Variants in ALDH5A1 observed in about 807,000 individuals in gnomAD.
The protein encoded by ALDH5A1 is aldehyde dehydrogenase 5 family member A1.
ALDH5A1 carries 33 observed loss-of-function variants against 54.7 expected under a neutral mutation model. That is an observed-to-expected ratio of 0.60 (90% confidence interval 0.46 to 0.81). The LOEUF is 0.81. Among genes scored for constraint, ALDH5A1 ranks in the 30% least tolerant of loss-of-function variants. The pLI is 0.00. For synonymous variants in ALDH5A1, 294 were observed against 292.7 expected (o/e 1.00, Z -0.05); for missense variants, 657 against 711.0 (o/e 0.92, Z 0.86).
intron 1 of ALDH5A1, among the ~76,000 whole-genome samples, chr6:24,498,383 G>A (rs1455067164): frequency 2.0e-5 from 3 of 152,190 alleles, no homozygotes; most frequent in Non-Finnish European, 1.5e-5. Context: ...ACCAGGGCCT[G>A]AGCCCTGGTT....
chr6:24,529,462 C>T (rs1759886192), intron 8 of ALDH5A1, among the ~76,000 whole-genome samples: 2 of 152,216 alleles, frequency 1.3e-5, no homozygotes, highest in Non-Finnish European at 1.5e-5. Context: ...TCACCACGCC[C>T]GGCCTCTTTA....
chr6:24,503,594 C>T (rs150116661), intron 3 of ALDH5A1, among the ~76,000 whole-genome samples, 161 bp downstream of exon 3: 46 of 152,210 alleles, frequency 3.0e-4, no homozygotes, highest in Non-Finnish European at 4.0e-4. Context: ...GTTTCCTAGT[C>T]CTCTGTGATG....
In ALDH5A1 at chr6:24,495,202, G is replaced by A; in HGVS notation, c.206G>A (p.Trp69Ter). Residue 69 changes from tryptophan to a stop codon, truncating the protein, a stop_gained, in exon 1 of 10, where the codon TGG becomes TAG. Coordinates refer to ENST00000357578, the MANE Select transcript of ALDH5A1 (RefSeq NM_001080.3). LOFTEE classifies it high-confidence loss of function. ...ACCGACAGCTTCGTGGGCGGCCGCT[G>A]GCTCCCGGCCGCCGCCACCTTCCCC... is the stretch of plus-strand genomic sequence containing the variant. ...LRTDSFVGGR[W>*]LPAAATFPVQ... The A allele has an allele frequency of 6.6e-7, 1 of 1,506,722 alleles. No homozygotes were observed. The highest frequency in any genetic ancestry group is 8.8e-7 in the Non-Finnish European group (1 of 1,135,584). 93.3% of individuals were successfully genotyped at this position (1,506,722 alleles called of 1,614,324 possible). A position where few individuals can be genotyped will look rare whatever the true frequency, so the allele number is the denominator to read the frequency against.
chr6:24,520,278 G>T lies in ALDH5A1; in HGVS notation c.871-123G>T, dbSNP rs985072754. 2.8e-6 allele frequency: 3 copies of T among 1,081,202 alleles called. No individual in the cohort carries two copies. The African/African-American group carries it at 4.6e-5, about 17-fold the overall frequency. The allele number at this position is 1,081,202 out of a possible 1,614,324, so 67.0% of individuals were successfully genotyped here. ...TTATTTCTCCGTTTTCTTATGCAAA[G>T]TTATCCCATGTACACCACTGTGCAC... On this transcript the variant is annotated intron_variant, in intron 5 of 9. Transcript: ENST00000357578.
At chr6:24,526,974 GTA>G (rs58873176) in intron 7 of ALDH5A1, among the ~76,000 whole-genome samples, 9,319 of 29,810 alleles carry the variant, frequency 0.31, 579 homozygotes, top group East Asian at 0.47. Flanking sequence ...ATGTGTGTGT[GTA>G]TATATATATA....
intron 1 of ALDH5A1, 51 bp from the exon 2 acceptor site, chr6:24,502,471 TG>T: frequency 7.6e-7 from 1 of 1,309,772 alleles, no homozygotes; most frequent in Non-Finnish European, 1.1e-6. Flanking sequence ...TTTAGCATTC[TG>T]TCTTACACTT....
At chr6:24,525,564 C>T (rs1446723242) in intron 7 of ALDH5A1, among the ~76,000 whole-genome samples, 1 of 151,736 alleles carries the variant, frequency 6.6e-6, no homozygotes, top group Non-Finnish European at 1.5e-5. Flanking sequence ...AAAAATTAGC[C>T]AGGTGTGGTG....
intron 7 of ALDH5A1, among the ~76,000 whole-genome samples, chr6:24,527,130 G>A (rs532429729): frequency 5.3e-5 from 8 of 151,266 alleles, no homozygotes; most frequent in Non-Finnish European, 8.8e-5. Context: ...CAGCAACACC[G>A]GAAGTGGAGA....
intron 7 of ALDH5A1, among the ~76,000 whole-genome samples, chr6:24,526,209 G>C (rs1424954670): frequency 6.6e-6 from 1 of 152,124 alleles, no homozygotes; most frequent in Non-Finnish European, 1.5e-5. Flanking sequence ...GAGCTGACCA[G>C]GTTAGTTTCG....
At chr6:24,496,419 C>T (rs1206322771) in intron 1 of ALDH5A1, among the ~76,000 whole-genome samples, 5 of 152,216 alleles carry the variant, frequency 3.3e-5, no homozygotes, top group Admixed American at 1.3e-4. Flanking sequence ...CAAGATGCAG[C>T]ATCAACAGTG....
chr6:24,511,489 AG>A (rs1217419805), intron 4 of ALDH5A1, among the ~76,000 whole-genome samples: 1 of 152,138 alleles, frequency 6.6e-6, no homozygotes, highest in Non-Finnish European at 1.5e-5. Flanking sequence ...ACATAATCCC[AG>A]ACTTCTTGGA....
At chr6:24,501,023 T>C (rs1476706398) in intron 1 of ALDH5A1, among the ~76,000 whole-genome samples, 1 of 152,252 alleles carries the variant, frequency 6.6e-6, no homozygotes, top group Non-Finnish European at 1.5e-5. Flanking sequence ...GATGCTGTGA[T>C]ACCTTAAGCA....
At chr6:24,503,972 C>T (rs955232824) in intron 3 of ALDH5A1, among the ~76,000 whole-genome samples, 1 of 152,170 alleles carries the variant, frequency 6.6e-6, no homozygotes, top group Non-Finnish European at 1.5e-5. Flanking sequence ...GCCCAGCTTT[C>T]CTTCTGGGTC....
rs370942126 is a variant in ALDH5A1, at chr6:24,528,159, G to C, written c.1336G>C (p.Val446Leu). ...AGAGACTTTCGGGCCTCTGGCACCAGTTATCAAGTAAGATCCTCCAGCCAG... is the reference window on the plus strand; with the variant it reads ...AGAGACTTTCGGGCCTCTGGCACCACTTATCAAGTAAGATCCTCCAGCCAG... ...HEETFGPLAP[V>L]IKFDTEEEAI... The change falls in exon 8 of 10, where the codon GTT becomes CTT. Residue 446 changes from valine to leucine, a missense_variant. By Grantham distance (32) the Val-to-Leu change is conservative. Transcript: ENST00000357578. The C allele has an allele frequency of 4.3e-6, 7 of 1,613,732 alleles. No individual in the cohort carries two copies. Among genetic ancestry groups the C allele is most frequent in the African/African-American group, 4.0e-5 (3 of 74,916 alleles).
intron 4 of ALDH5A1, chr6:24,511,882 A>AT: frequency 6.7e-6 from 4 of 596,310 alleles, no homozygotes; most frequent in South Asian, 4.6e-5. Flanking sequence ...AGCTCATGTG[A>AT]TTTTTGGGGG....
chr6:24,520,798 C>T (rs1412171563), intron 6 of ALDH5A1, among the ~76,000 whole-genome samples: 1 of 152,176 alleles, frequency 6.6e-6, no homozygotes, highest in Non-Finnish European at 1.5e-5. Flanking sequence ...CAGGGTTATA[C>T]TAGGCTCAGA....
Position 24,535,697 on chromosome 6 carries a change from C to A in ALDH5A1, c.*1985C>A, listed in dbSNP as rs1182744644. 1 of 152,276 alleles carries A rather than the reference C, an allele frequency of 6.6e-6. No individual in the cohort carries two copies. Among genetic ancestry groups the A allele is most frequent in the East Asian group, 1.9e-4 (1 of 5,194 alleles). The allele number at this position is 152,276 out of a possible 1,614,324, so 9.4% of individuals were successfully genotyped here. On this transcript the variant is annotated 3_prime_UTR_variant, in exon 10 of 10. Coordinates refer to ENST00000357578, the MANE Select transcript of ALDH5A1 (RefSeq NM_001080.3). ...GGATGTGGTGGCAGGTGCCTGTAGTCCCAGCTACTCTGGAGGCTGAGGCAG... is the reference window on the plus strand; with the variant it reads ...GGATGTGGTGGCAGGTGCCTGTAGTACCAGCTACTCTGGAGGCTGAGGCAG...
At chr6:24,507,587 G>C (rs181855092) in intron 4 of ALDH5A1, among the ~76,000 whole-genome samples, 134 of 152,046 alleles carry the variant, frequency 8.8e-4, no homozygotes, top group African/African-American at 3.1e-3. Context: ...GTAGTTTCCA[G>C]ACTTTTTGTT....
At chr6:24,511,932 C>A (rs1759468969) in intron 4 of ALDH5A1, 2 of 549,450 alleles carry the variant, frequency 3.6e-6, no homozygotes, top group South Asian at 2.9e-5. Flanking sequence ...TCAGAGTTGG[C>A]TTTCTGGTTT....
Sources: allele counts gnomAD v4.1 joint callset (sites outside exome capture counted in the v4.1 genomes callset), GRCh38; gene constraint gnomAD v4.1.1; transcripts MANE v1.5; gene names NCBI Gene and HGNC (gene_info 2026-07-23, HGNC 2026-07-21).